The following NELL1 variants were observed in gnomAD, a reference collection of about 807,000 sequenced individuals.
NELL1 encodes the protein neural EGFL like 1.
A neutral mutation model predicts 107.4 loss-of-function variants in NELL1; 76 were observed. The observed-to-expected ratio is 0.71, with a 90% CI of 0.59 to 0.86. NELL1 has a LOEUF of 0.86. Among genes scored for constraint, NELL1 ranks in the 40% least tolerant of loss-of-function variants. NELL1 has a pLI of 0.00. For synonymous variants in NELL1, 353 were observed against 341.2 expected (o/e 1.03, Z -0.38); for missense variants, 1,024 against 1,005.5 (o/e 1.02, Z -0.25).
chr11:20,716,735 T>C (rs1855259183), intron 2 of NELL1, among the ~76,000 whole-genome samples: 1 of 152,256 alleles, frequency 6.6e-6, no homozygotes. Flanking sequence ...GGCAATTTCC[T>C]TAACTTCTTC....
intron 15 of NELL1, among the ~76,000 whole-genome samples, chr11:21,496,608 A>G (rs1056863157): frequency 2.0e-5 from 3 of 151,772 alleles, no homozygotes; most frequent in Non-Finnish European, 4.4e-5. Flanking sequence ...ACGGGGTTTC[A>G]CCGTGTTAGC....
At chr11:20,895,180 G>GT (rs1849701063) in intron 5 of NELL1, among the ~76,000 whole-genome samples, 1 of 133,770 alleles carries the variant, frequency 7.5e-6, no homozygotes, top group Non-Finnish European at 1.6e-5. Flanking sequence ...GCTGAGGCAG[G>GT]AGAATGGCGT....
intron 11 of NELL1, among the ~76,000 whole-genome samples, chr11:20,955,801 T>C (rs1430583376): frequency 6.6e-6 from 1 of 152,250 alleles, no homozygotes; most frequent in Non-Finnish European, 1.5e-5. Context: ...GAATAAATTC[T>C]CCAAATATTG....
intron 4 of NELL1, among the ~76,000 whole-genome samples, chr11:20,858,887 T>G (rs554566754): frequency 2.0e-5 from 3 of 152,270 alleles, no homozygotes; most frequent in Admixed American, 6.5e-5. Context: ...CCCTGTGACT[T>G]TGGCACAGGT....
intron 11 of NELL1, among the ~76,000 whole-genome samples, chr11:20,955,913 G>C (rs1000312851): frequency 5.9e-5 from 9 of 152,076 alleles, no homozygotes; most frequent in Non-Finnish European, 1.3e-4. Flanking sequence ...TTTAAGCCAG[G>C]AACTGTAATT....
rs544020973 is a variant in NELL1 at position 21,129,423 on chromosome 11, G to T, written c.1426+15709G>T. Among the ~76,000 whole-genome samples, 12 of 152,234 alleles carry T rather than the reference G, an allele frequency of 7.9e-5. No homozygotes were observed. The South Asian group carries it at 2.5e-3, about 32-fold the overall frequency. On this transcript the variant is annotated intron_variant, in intron 13 of 19. Coordinates refer to ENST00000357134, the MANE Select transcript of NELL1 (RefSeq NM_006157.5). ...TCCACTTATGGGTATATACCCAAAA[G>T]AATTGAAAGTAGGGTCTTGAAGAGA...
rs1272027586 is a variant in NELL1 at position 21,573,191 on chromosome 11, G to A, written c.2164G>A (p.Glu722Lys). Residue 722 changes from glutamate (E) to lysine (K), a missense_variant, in exon 19 of 20, where the codon GAG becomes AAG. By Grantham distance (56) the Glu-to-Lys change is moderately conservative. Coordinates refer to ENST00000357134, the MANE Select transcript of NELL1 (RefSeq NM_006157.5). Reference sequence around the variant, plus strand: ...TTTTGCTTTTCCTCTACAGGAAGGAGAGGTAGATTGCTGGCCACTCACTTG... The same window carrying A: ...TTTTGCTTTTCCTCTACAGGAAGGAAAGGTAGATTGCTGGCCACTCACTTG... ...SCQQCRCLEG[E>K]VDCWPLTCPN... The A allele has an allele frequency of 6.2e-7, 1 of 1,611,502 alleles. No homozygotes were observed. The highest frequency in any genetic ancestry group is 1.1e-5 in the South Asian group (1 of 91,014).
intron 14 of NELL1, among the ~76,000 whole-genome samples, chr11:21,230,817 T>TC (rs915222533): frequency 6.6e-6 from 1 of 152,042 alleles, no homozygotes; most frequent in Non-Finnish European, 1.5e-5. Flanking sequence ...AAACTCATTT[T>TC]TTTTTAACAG....
intron 12 of NELL1, among the ~76,000 whole-genome samples, chr11:21,107,728 GATGTGGACAAAATACCTGA>G (rs1855004544): frequency 6.6e-6 from 1 of 152,184 alleles, no homozygotes; most frequent in African/African-American, 2.4e-5. Context: ...AGGCTTGTAT[GATGTGGACAAAATACCTGA>G]ATGTGTCAAG....
At chr11:21,029,658 A>T (rs547324833) in intron 12 of NELL1, among the ~76,000 whole-genome samples, 2 of 152,100 alleles carry the variant, frequency 1.3e-5, no homozygotes, top group Non-Finnish European at 2.9e-5. Context: ...TCCTTGACCA[A>T]TTTGCTGCCA....
chr11:21,138,973 T>C (rs569905332), intron 13 of NELL1, among the ~76,000 whole-genome samples: 1 of 152,306 alleles, frequency 6.6e-6, no homozygotes, highest in Non-Finnish European at 1.5e-5. Flanking sequence ...AGATGGAGTT[T>C]GTCATGCAAT....
chr11:21,200,801 A>G, intron 13 of NELL1, among the ~76,000 whole-genome samples: 1 of 152,012 alleles, frequency 6.6e-6, no homozygotes, highest in Non-Finnish European at 1.5e-5. Flanking sequence ...ATCTTGAGTT[A>G]ATGTTTGTAT....
chr11:20,868,813 G>A lies in NELL1; in HGVS notation c.507-16631G>A, dbSNP rs1849144036. Among the ~76,000 whole-genome samples, 3 of 152,122 alleles carry A rather than the reference G, an allele frequency of 2.0e-5. No individual in the cohort carries two copies. The South Asian group carries it at 6.2e-4, about 32-fold the overall frequency. On this transcript the variant is annotated intron_variant, in intron 4 of 19. Coordinates refer to ENST00000357134, the MANE Select transcript of NELL1 (RefSeq NM_006157.5). Reference sequence around the variant, plus strand: ...GTATTAAATTTTATATAAAAGAGAAGAAATTTCATGATCTTAAGGCAAAAA... The same window carrying A: ...GTATTAAATTTTATATAAAAGAGAAAAAATTTCATGATCTTAAGGCAAAAA...
At chr11:20,942,877 C>T (rs991601178) in intron 10 of NELL1, among the ~76,000 whole-genome samples, 34 of 152,136 alleles carry the variant, frequency 2.2e-4, no homozygotes, top group African/African-American at 7.7e-4. Context: ...CTGTGGGTGA[C>T]TCTAGCAAGG....
chr11:20,979,146 CTG>C (rs1851699119), intron 12 of NELL1, among the ~76,000 whole-genome samples: 1 of 152,132 alleles, frequency 6.6e-6, no homozygotes, highest in African/African-American at 2.4e-5. Context: ...TTTTTAGCTG[CTG>C]TGAGGAAGAA....
chr11:21,105,321 G>C (rs1854924751), intron 12 of NELL1, among the ~76,000 whole-genome samples: 1 of 152,186 alleles, frequency 6.6e-6, no homozygotes, highest in Non-Finnish European at 1.5e-5. Context: ...AAAGTGCACA[G>C]TGTTTTATAG....
intron 13 of NELL1, among the ~76,000 whole-genome samples, chr11:21,123,755 A>G (rs973885873): frequency 1.3e-5 from 2 of 152,198 alleles, no homozygotes; most frequent in Admixed American, 6.5e-5. Flanking sequence ...CATTGTGGCC[A>G]TTTATTCCAT....
At chr11:21,273,844 G>T (rs1006732636) in intron 14 of NELL1, among the ~76,000 whole-genome samples, 6 of 152,118 alleles carry the variant, frequency 3.9e-5, no homozygotes, top group African/African-American at 1.2e-4. Flanking sequence ...TTACAGACAA[G>T]CAAATGCTGA....
intron 13 of NELL1, among the ~76,000 whole-genome samples, chr11:21,155,290 A>G (rs1856207068): frequency 6.6e-6 from 1 of 151,532 alleles, no homozygotes; most frequent in African/African-American, 2.4e-5. Context: ...AACTTTAGAA[A>G]CCCTAATGGA....
Sources: allele counts gnomAD v4.1 joint callset (sites outside exome capture counted in the v4.1 genomes callset), GRCh38; gene constraint gnomAD v4.1.1; transcripts MANE v1.5; gene names NCBI Gene and HGNC (gene_info 2026-07-23, HGNC 2026-07-21).